The following ITGA1 variants were observed in gnomAD, a reference collection of about 807,000 sequenced individuals.
ITGA1 encodes the protein integrin subunit alpha 1.
In ITGA1, 85 loss-of-function variants were observed where a neutral mutation model predicts 145.9. The ratio of observed to expected loss-of-function variants is 0.58; its 90% CI spans 0.49 to 0.70. The LOEUF is 0.70. Among genes scored for constraint, ITGA1 ranks in the 30% least tolerant of loss-of-function variants. ITGA1 has a pLI of 0.00. For synonymous variants in ITGA1, 520 were observed against 495.3 expected (o/e 1.05, Z -0.66); for missense variants, 1,351 against 1,418.7 (o/e 0.95, Z 0.77).
chr5:52,843,076 T>C (rs6869931), intron 1 of ITGA1, among the ~76,000 whole-genome samples: 3 of 152,136 alleles, frequency 2.0e-5, no homozygotes, highest in African/African-American at 7.2e-5. Context: ...TGTGGAGTAG[T>C]GGAATATATG....
chr5:52,818,947 C>T (rs918191365), intron 1 of ITGA1, among the ~76,000 whole-genome samples: 2 of 152,126 alleles, frequency 1.3e-5, no homozygotes, highest in Non-Finnish European at 1.5e-5. Context: ...TTATTTTGCT[C>T]ATGTATCTCA....
At chr5:52,941,177 T>C (rs1751048568) in intron 26 of ITGA1, among the ~76,000 whole-genome samples, 2 of 152,226 alleles carry the variant, frequency 1.3e-5, no homozygotes, top group South Asian at 2.1e-4. Flanking sequence ...TCCAGGCCAC[T>C]GTTGATGGGC....
chr5:52,941,976 T>C (rs965209316), intron 26 of ITGA1, among the ~76,000 whole-genome samples: 1 of 152,194 alleles, frequency 6.6e-6, no homozygotes, highest in Admixed American at 6.5e-5. Context: ...AGGGGTCCAG[T>C]TTCATTCTTC....
At chr5:52,896,004 G>A (rs1266906413) in intron 9 of ITGA1, among the ~76,000 whole-genome samples, 2 of 152,120 alleles carry the variant, frequency 1.3e-5, no homozygotes, top group Non-Finnish European at 2.9e-5. Context: ...CATCTATTGA[G>A]GCAAGTATGC....
chr5:52,873,941 G>C (rs981705960), intron 6 of ITGA1, among the ~76,000 whole-genome samples: 2 of 151,782 alleles, frequency 1.3e-5, no homozygotes, highest in African/African-American at 4.8e-5. Flanking sequence ...GATAGATATA[G>C]AAGATAATAA....
intron 1 of ITGA1, chr5:52,801,889 A>T: frequency 1.5e-6 from 2 of 1,375,010 alleles, no homozygotes; most frequent in Non-Finnish European, 2.0e-6. Context: ...AAACTGTTAC[A>T]GTACATTTCT....
At position 52,958,085 on chromosome 5, in the gene ITGA1, G is replaced by C. The variant is rs747710904; in HGVS notation, c.*5634G>C. ...ACCCTTGTTTTTTAAGAGGTAGAGA[G>C]AGATTACTGGGAAGCAGTGAGCCAA... On this transcript the variant is annotated 3_prime_UTR_variant, in exon 29 of 29. Coordinates refer to ENST00000282588, the MANE Select transcript of ITGA1 (RefSeq NM_181501.2). 4 of 152,172 alleles carry C rather than the reference G, an allele frequency of 2.6e-5. No homozygotes were observed. The highest frequency in any genetic ancestry group is 4.4e-5 in the Non-Finnish European group (3 of 68,040). 9.4% of individuals were successfully genotyped at this position (152,172 alleles called of 1,614,324 possible). A position where few individuals can be genotyped will look rare whatever the true frequency, so the allele number is the denominator to read the frequency against.
At chr5:52,861,680 G>A in intron 3 of ITGA1, 121 bp downstream of exon 3, 3 of 650,464 alleles carry the variant, frequency 4.6e-6, no homozygotes, top group Admixed American at 5.7e-5. Flanking sequence ...AGACCAGCCT[G>A]GGCAACCTGA....
intron 6 of ITGA1, among the ~76,000 whole-genome samples, chr5:52,877,971 A>T (rs1749893607): frequency 6.6e-6 from 1 of 152,234 alleles, no homozygotes; most frequent in Non-Finnish European, 1.5e-5. Flanking sequence ...CAGAAAGCAG[A>T]TGAATTGGGG....
chr5:52,873,886 G>T (rs73106324), intron 6 of ITGA1, among the ~76,000 whole-genome samples: 36 of 152,212 alleles, frequency 2.4e-4, no homozygotes, highest in African/African-American at 8.7e-4. Flanking sequence ...CTTAGCTTAT[G>T]CTGGGCATTA....
rs144286355 is a variant in ITGA1 at position 52,907,241 on chromosome 5, C to T, written c.1455+1333C>T. ...TTTATTAACTCTTTGCCCACATTTA[C>T]GCTTGGAAAACGCATAACAGTTAGA... On this transcript the variant is annotated intron_variant, in intron 12 of 28. Coordinates refer to ENST00000282588, the MANE Select transcript of ITGA1 (RefSeq NM_181501.2). Among the ~76,000 whole-genome samples, 243 of 152,188 alleles carry T rather than the reference C, an allele frequency of 1.6e-3. 2 individuals are homozygous for T. In the South Asian group the frequency reaches 0.033, roughly 21 times the overall value.
Position 52,915,590 on chromosome 5 carries a change from T to C in ITGA1, c.1984T>C (p.Phe662Leu). ...TGGGGGCCTTGGTGGTGCTGCCCTC[T>C]TCTGGTATGTATTTTAATAACATCC... ...TIGGLGGAAL[F>L]WSRDVAVVKV... Residue 662 changes from phenylalanine (F) to leucine (L), a missense_variant, in exon 15 of 29, where the codon TTC becomes CTC. Coordinates refer to ENST00000282588, the MANE Select transcript of ITGA1 (RefSeq NM_181501.2). 4 of 1,613,772 alleles carry C rather than the reference T, an allele frequency of 2.5e-6. No homozygotes were observed. The highest frequency in any genetic ancestry group is 3.4e-6 in the Non-Finnish European group (4 of 1,179,876).
intron 1 of ITGA1, among the ~76,000 whole-genome samples, chr5:52,793,939 G>C (rs894194035): frequency 6.6e-6 from 1 of 151,914 alleles, no homozygotes; most frequent in Non-Finnish European, 1.5e-5. Flanking sequence ...TAAGCTCCAG[G>C]GTTGTGTATA....
At position 52,955,250 on chromosome 5, in the gene ITGA1, A is replaced by C. The variant is rs1004930624; in HGVS notation, c.*2799A>C. On this transcript the variant is annotated 3_prime_UTR_variant, in exon 29 of 29. Coordinates refer to ENST00000282588, the MANE Select transcript of ITGA1 (RefSeq NM_181501.2). ...ATTTTCAAACTACCAAAGTGACCCT[A>C]ATCAGCTTACAAAATTCCTGGAAAT... 6.6e-6 allele frequency: 1 copy of C among 152,096 alleles called. No homozygotes were observed. Among genetic ancestry groups the C allele is most frequent in the African/African-American group, 2.4e-5 (1 of 41,410 alleles). 9.4% of individuals were successfully genotyped at this position (152,096 alleles called of 1,614,324 possible).
At chr5:52,941,666 C>A (rs540064707) in intron 26 of ITGA1, among the ~76,000 whole-genome samples, 5 of 152,214 alleles carry the variant, frequency 3.3e-5, no homozygotes, top group African/African-American at 1.2e-4. Context: ...GTTCCTTATT[C>A]TGGATATTAG....
intron 1 of ITGA1, among the ~76,000 whole-genome samples, chr5:52,789,545 G>C (rs561656457): frequency 3.5e-4 from 54 of 152,312 alleles, no homozygotes; most frequent in African/African-American, 1.2e-3. Context: ...GTAATGTAAA[G>C]AGAGTTAATA....
intron 1 of ITGA1, chr5:52,801,400 T>G (rs1748478590): frequency 6.2e-7 from 1 of 1,601,060 alleles, no homozygotes; most frequent in South Asian, 1.1e-5. Context: ...TTTGTAATTG[T>G]GATTCTAGGT....
At position 52,867,409 on chromosome 5, in the gene ITGA1, C is replaced by T. The variant is rs183287144; in HGVS notation, c.624+1592C>T. On this transcript the variant is annotated intron_variant, in intron 6 of 28. Coordinates refer to ENST00000282588, the MANE Select transcript of ITGA1 (RefSeq NM_181501.2). ...TCATTAAAAATGAAATGGGCTTTTACGTATCACAAAATGTAATTTTCCCTG... is the reference window on the plus strand; with the variant it reads ...TCATTAAAAATGAAATGGGCTTTTATGTATCACAAAATGTAATTTTCCCTG... 8.5e-5 allele frequency among the ~76,000 whole-genome samples: 13 copies of T among 152,208 alleles called. No individual in the cohort carries two copies. In the East Asian group the frequency reaches 1.2e-3, roughly 14 times the overall value.
intron 15 of ITGA1, among the ~76,000 whole-genome samples, chr5:52,918,390 T>C (rs372071372): frequency 6.6e-6 from 1 of 152,176 alleles, no homozygotes; most frequent in South Asian, 2.1e-4. Context: ...CAGGGACCTT[T>C]AGACTTCTTT....
Sources: gnomAD v4.1 joint callset for allele counts (sites outside exome capture counted in the v4.1 genomes callset) on GRCh38, gnomAD v4.1.1 for gene constraint, MANE v1.5 for transcripts, NCBI Gene and HGNC (gene_info 2026-07-23, HGNC 2026-07-21) for gene names.